UNC80: variants seen among roughly 807,000 people sequenced by gnomAD.
The protein encoded by UNC80 is unc-80 subunit of NALCN channel complex.
A neutral mutation model predicts 384.6 loss-of-function variants in UNC80; 164 were observed. That is an observed-to-expected ratio of 0.43 (90% confidence interval 0.38 to 0.49). The LOEUF is 0.49. Ranked by LOEUF, UNC80 falls within the 20% of genes least tolerant of loss-of-function variation. UNC80 has a pLI of 0.00. For synonymous variants in UNC80, 1,486 were observed against 1,527.8 expected (o/e 0.97, Z 0.64); for missense variants, 3,330 against 4,143.0 (o/e 0.80, Z 5.39).
At position 209,834,969 on chromosome 2, in the gene UNC80, T is replaced by C. The variant is rs139128995; in HGVS notation, c.3000T>C (p.Cys1000=). ...KGQVSSAPEE[C]RSFMSGRPSQ... ...AGGTATCCTCTGCACCTGAGGAATG[T>C]CGCAGCTTCATGTCTGGTCGCCCCT... is the stretch of plus-strand genomic sequence containing the variant. Residue 1000 remains cysteine (C), a synonymous_variant, in exon 18 of 65, where the codon TGT becomes TGC. Coordinates refer to ENST00000673920, the MANE Select transcript of UNC80 (RefSeq NM_001371986.1). The C allele has an allele frequency of 1.0e-3, 1,595 of 1,551,280 alleles. 10 individuals carry two copies. The African/African-American group carries it at 0.015, about 14-fold the overall frequency.
rs201318495 is a variant in UNC80 at position 209,849,510 on chromosome 2, G to T, written c.3514G>T (p.Val1172Leu). 1.3e-6 allele frequency: 2 copies of T among 1,550,990 alleles called. No homozygotes were observed. The highest frequency in any genetic ancestry group is 8.7e-7 in the Non-Finnish European group (1 of 1,146,524). ...CCAAGATGGTGGAAAAAGCAAAAAC[G>T]TGGTGAATCTTGGAGCAATCCGACA... ...PNQDGGKSKN[V>L]VNLGAIRQGM... The change falls in exon 22 of 65, where the codon GTG becomes TTG. Residue 1172 changes from valine to leucine, a missense_variant. Physicochemically the swap from Val to Leu is conservative, Grantham distance 32 (BLOSUM62 1). This residue lies in a region of UNC80 where 801 missense variants were observed against 950.8 expected (regional missense o/e 0.84). Transcript: ENST00000673920.
chr2:209,955,570 C>T (rs193015669), intron 48 of UNC80, among the ~76,000 whole-genome samples: 158 of 150,876 alleles, frequency 1.0e-3, no homozygotes, highest in African/African-American at 3.7e-3. Flanking sequence ...AGAAGAATAT[C>T]CTAAAGAGAA....
chr2:209,926,761 G>C (rs2090467632), intron 35 of UNC80, 82 bp from the exon 36 acceptor site: 1 of 1,498,544 alleles, frequency 6.7e-7, no homozygotes, highest in Non-Finnish European at 9.0e-7. Flanking sequence ...GGGTGACAGA[G>C]TGAGACCCTA....
At position 209,933,823 on chromosome 2, in the gene UNC80, T is replaced by C. The variant is rs984602297; in HGVS notation, c.5996T>C (p.Val1999Ala). Residue 1999 changes from valine (V) to alanine (A), a missense_variant and splice_region_variant, in exon 39 of 65, where the codon GTA becomes GCA. By Grantham distance (64) the Val-to-Ala change is moderately conservative. Coordinates refer to ENST00000673920, the MANE Select transcript of UNC80 (RefSeq NM_001371986.1). Reference sequence around the variant, plus strand: ...AACTCTTCTTATACTGACTTCTAGGTAGGATTAATCATGTACTTTGTGCGG... The same window carrying C: ...AACTCTTCTTATACTGACTTCTAGGCAGGATTAATCATGTACTTTGTGCGG... ...QTSHILFNYLVGLIMYFVRTP... is the reference protein window; with the variant it reads ...QTSHILFNYLAGLIMYFVRTP... The C allele has an allele frequency of 1.9e-6, 3 of 1,549,360 alleles. No individual in the cohort carries two copies. The highest frequency in any genetic ancestry group is 2.0e-5 in the Admixed American group (1 of 50,756).
intron 7 of UNC80, among the ~76,000 whole-genome samples, chr2:209,808,570 G>T (rs1484187508): frequency 6.6e-6 from 1 of 150,844 alleles, no homozygotes; most frequent in Non-Finnish European, 1.5e-5. Flanking sequence ...CTGCTACTGC[G>T]CGAGCCCAGC....
chr2:209,905,025 C>A (rs2088008858), intron 29 of UNC80, 60 bp downstream of exon 29: 1 of 1,519,502 alleles, frequency 6.6e-7, no homozygotes, highest in African/African-American at 1.4e-5. Flanking sequence ...ATAACAATTT[C>A]TTCTCTGGAA....
chr2:209,865,174 CTG>C (rs1193747419), intron 22 of UNC80, among the ~76,000 whole-genome samples: 1 of 152,118 alleles, frequency 6.6e-6, no homozygotes, highest in Admixed American at 6.5e-5. Context: ...CCTCTTAGTT[CTG>C]ACGAGAGAAC....
At chr2:209,841,720 T>G (rs1308700747) in intron 20 of UNC80, among the ~76,000 whole-genome samples, 1 of 152,212 alleles carries the variant, frequency 6.6e-6, no homozygotes, top group Non-Finnish European at 1.5e-5. Context: ...TATGCAAGAC[T>G]ATAGCATATT....
chr2:209,871,841 C>T (rs1176015675), intron 22 of UNC80, among the ~76,000 whole-genome samples: 1 of 149,790 alleles, frequency 6.7e-6, no homozygotes, highest in Non-Finnish European at 1.5e-5. Context: ...CACATTTTGA[C>T]ATGACAAGGT....
intron 22 of UNC80, among the ~76,000 whole-genome samples, chr2:209,865,856 C>A (rs1317249078): frequency 6.6e-6 from 1 of 152,072 alleles, no homozygotes; most frequent in Non-Finnish European, 1.5e-5. Context: ...AATTGAAAAT[C>A]TCTTTATTTT....
chr2:209,969,678 T>G, intron 52 of UNC80, 90 bp from the exon 53 acceptor site: 1 of 1,500,442 alleles, frequency 6.7e-7, no homozygotes, highest in Admixed American at 2.1e-5. Context: ...CATCCTGTCT[T>G]AGATGGCATC....
chr2:209,813,627 A>G lies in UNC80; in HGVS notation c.986A>G (p.Tyr329Cys), dbSNP rs2079522661. 6.4e-7 allele frequency: 1 copy of G among 1,551,646 alleles called. No homozygotes were observed. Among genetic ancestry groups the G allele is most frequent in the African/African-American group, 1.4e-5 (1 of 73,008 alleles). ...PPCQRSRYAT[Y>C]FDVAVLRCLL... The stretch of plus-strand genomic sequence containing the variant: ...TGCCAAAGGTCCCGCTATGCCACCT[A>G]CTTTGACGTTGCTGTTCTGCGCTGC... The change falls in exon 8 of 65, where the codon TAC becomes TGC. Residue 329 changes from tyrosine to cysteine, a missense_variant. Around this residue, in one of 8 missense-constraint regions of UNC80, gnomAD observed 937 missense variants for 1,026.8 expected, o/e 0.91. Coordinates refer to ENST00000673920, the MANE Select transcript of UNC80 (RefSeq NM_001371986.1).
chr2:209,934,779 A>G (rs2091130262), intron 39 of UNC80, among the ~76,000 whole-genome samples: 2 of 152,224 alleles, frequency 1.3e-5, no homozygotes, highest in South Asian at 4.1e-4. Context: ...ATTGTGAGGA[A>G]TAAATGAGTT....
At chr2:209,935,347 C>T (rs180822653) in intron 39 of UNC80, among the ~76,000 whole-genome samples, 24 of 152,180 alleles carry the variant, frequency 1.6e-4, no homozygotes, top group South Asian at 1.2e-3. Flanking sequence ...CTTGGCCTAG[C>T]GCGGTGGCTC....
At chr2:209,904,399 A>G (rs1168088138) in intron 28 of UNC80, among the ~76,000 whole-genome samples, 1 of 152,250 alleles carries the variant, frequency 6.6e-6, no homozygotes, top group Non-Finnish European at 1.5e-5. Context: ...TCACCAGTCT[A>G]TGCCCTTTCA....
At chr2:209,943,122 T>A (rs1213635191) in intron 44 of UNC80, among the ~76,000 whole-genome samples, 1 of 152,232 alleles carries the variant, frequency 6.6e-6, no homozygotes, top group Non-Finnish European at 1.5e-5. Flanking sequence ...TGCATGTTTA[T>A]ACATGTGTCT....
intron 51 of UNC80, among the ~76,000 whole-genome samples, chr2:209,964,186 G>A (rs2092678617): frequency 6.6e-6 from 1 of 152,162 alleles, no homozygotes; most frequent in Admixed American, 6.5e-5. Context: ...GTTAATATGT[G>A]AGACAAAGAA....
At chr2:209,951,227 ACTTAT>A in intron 47 of UNC80, among the ~76,000 whole-genome samples, 1 of 152,226 alleles carries the variant, frequency 6.6e-6, no homozygotes, top group East Asian at 1.9e-4. Flanking sequence ...TTTTCTACTG[ACTTAT>A]CATATCTGTT....
At chr2:209,889,043 A>G (rs926347272) in intron 26 of UNC80, among the ~76,000 whole-genome samples, 1 of 152,206 alleles carries the variant, frequency 6.6e-6, no homozygotes, top group African/African-American at 2.4e-5. Flanking sequence ...TTTTTGTGAA[A>G]CTATGAAGAC....
Sources: allele counts gnomAD v4.1 joint callset (sites outside exome capture counted in the v4.1 genomes callset), GRCh38; gene constraint gnomAD v4.1.1; regional missense constraint gnomAD v4.1.1; transcripts MANE v1.5; gene names NCBI Gene and HGNC (gene_info 2026-07-23, HGNC 2026-07-21).